The following DYNC2H1 variants were observed in gnomAD, a reference collection of about 807,000 sequenced individuals.
DYNC2H1 encodes cytoplasmic dynein 2 heavy chain 1.
DYNC2H1 carries 410 observed loss-of-function variants against 570.0 expected under a neutral mutation model. The ratio of observed to expected loss-of-function variants is 0.72; its 90% CI spans 0.66 to 0.78. DYNC2H1 has a LOEUF of 0.78. DYNC2H1 is among the 30% of genes least tolerant of loss of function. DYNC2H1 has a pLI of 0.00. For missense variants in DYNC2H1, 4,865 were observed against 5,046.4 expected, an observed-to-expected ratio of 0.96 and a Z score of 1.09; for synonymous variants, 1,688 against 1,677.6, an observed-to-expected ratio of 1.01 and a Z score of -0.15.
At position 103,256,804 on chromosome 11, in the gene DYNC2H1, A is replaced by G. The variant is rs910308532; in HGVS notation, c.10461+564A>G. 3.9e-5 allele frequency among the ~76,000 whole-genome samples: 6 copies of G among 152,152 alleles called. No homozygotes were observed. The highest frequency in any genetic ancestry group is 1.4e-4 in the African/African-American group (6 of 41,438). ...TTTTCTTCACATCAGAGATAGCCTG[A>G]TAGCGCTGTGCTGTCTTGCGTTACC... On this transcript the variant is annotated intron_variant, in intron 68 of 88. Coordinates refer to ENST00000375735, the MANE Select transcript of DYNC2H1 (RefSeq NM_001377.3). The surrounding 1 kb of genome is among the most constrained non-coding windows in gnomAD (Gnocchi z 4.0).
At position 103,154,675 on chromosome 11, in the gene DYNC2H1, G is replaced by C; in HGVS notation, c.3459-20G>C. On this transcript the variant is annotated intron_variant, in intron 23 of 88. Coordinates refer to ENST00000375735, the MANE Select transcript of DYNC2H1 (RefSeq NM_001377.3). ...TATTTTTGGATGTAATCTTTGCAAT[G>C]TGTTTTTGGTATTTTATAGGACTAA... 1 of 1,564,884 alleles carries C rather than the reference G, an allele frequency of 6.4e-7. No homozygotes were observed. Among genetic ancestry groups the C allele is most frequent in the South Asian group, 1.2e-5 (1 of 82,968 alleles).
chr11:103,393,505 T>A (rs1942261310), intron 83 of DYNC2H1, among the ~76,000 whole-genome samples: 1 of 152,114 alleles, frequency 6.6e-6, no homozygotes, highest in Non-Finnish European at 1.5e-5. Context: ...TAAAATTATT[T>A]ACTCATTTCA....
At position 103,153,490 on chromosome 11, in the gene DYNC2H1, T is replaced by C; in HGVS notation, c.3284T>C (p.Val1095Ala). 1 of 1,557,904 alleles carries C rather than the reference T, an allele frequency of 6.4e-7. No homozygotes were observed. Among genetic ancestry groups the C allele is most frequent in the Non-Finnish European group, 8.7e-7 (1 of 1,155,366 alleles). Residue 1095 changes from valine (V) to alanine (A), a missense_variant, in exon 22 of 89, where the codon GTC (valine) becomes GCC (alanine). Transcript: ENST00000375735. ...EKKIEFDDLE[V>A]TRKKLVDDCH... is the part of the protein sequence containing the mutation. ...AAAATTGAGTTTGATGATCTTGAAGTCACAAGAAAAAAGCTGGTGTATGTT... is the reference window on the plus strand; with the variant it reads ...AAAATTGAGTTTGATGATCTTGAAGCCACAAGAAAAAAGCTGGTGTATGTT...
intron 15 of DYNC2H1, among the ~76,000 whole-genome samples, chr11:103,135,037 A>G (rs1031420648): frequency 6.6e-6 from 1 of 152,160 alleles, no homozygotes; most frequent in African/African-American, 2.4e-5. Flanking sequence ...GAAGCAAAAA[A>G]GTATGTAAAT....
intron 83 of DYNC2H1, among the ~76,000 whole-genome samples, chr11:103,373,575 C>G (rs1054687511): frequency 7.2e-5 from 11 of 152,186 alleles, no homozygotes. Flanking sequence ...TATGATCTCT[C>G]TCTTCCTAAA....
rs1862618893 is a variant in DYNC2H1 at position 103,199,203 on chromosome 11, T to G, written c.7840-25T>G. On this transcript the variant is annotated intron_variant, in intron 48 of 88. Coordinates refer to ENST00000375735, the MANE Select transcript of DYNC2H1 (RefSeq NM_001377.3). This position sits in a 1 kb window ranked among gnomAD's most constrained non-coding sequence, Gnocchi z 4.6. Reference sequence around the variant, plus strand: ...ATGTAATTAGGGCTTATATTAATTATAAAATATTCTGATTTTTTTAAAAGG... The same window carrying G: ...ATGTAATTAGGGCTTATATTAATTAGAAAATATTCTGATTTTTTTAAAAGG... The G allele has an allele frequency of 7.0e-7, 1 of 1,420,604 alleles. No homozygotes were observed. The highest frequency in any genetic ancestry group is 1.4e-5 in the African/African-American group (1 of 70,356). The allele number at this position is 1,420,604 out of a possible 1,614,324, so 88.0% of individuals were successfully genotyped here.
rs1291644369 is a variant in DYNC2H1, at chr11:103,199,617, T to G, written c.8088+141T>G. ...AGAACTAAAGTTCTCTGTTATACAA[T>G]GTAGTCTTTATTTTAATTTAGATTA... On this transcript the variant is annotated intron_variant, in intron 49 of 88. Coordinates refer to ENST00000375735, the MANE Select transcript of DYNC2H1 (RefSeq NM_001377.3). The surrounding 1 kb of genome is among the most constrained non-coding windows in gnomAD (Gnocchi z 4.6). 4 of 752,782 alleles carry G rather than the reference T, an allele frequency of 5.3e-6. No homozygotes were observed. The highest frequency in any genetic ancestry group is 7.6e-6 in the Non-Finnish European group (4 of 527,836). The allele number at this position is 752,782 out of a possible 1,614,324, so 46.6% of individuals were successfully genotyped here. A position where few individuals can be genotyped will look rare whatever the true frequency, so the allele number is the denominator to read the frequency against.
intron 83 of DYNC2H1, among the ~76,000 whole-genome samples, chr11:103,380,304 C>A (rs1386708801): frequency 1.3e-5 from 2 of 152,094 alleles, no homozygotes; most frequent in East Asian, 3.9e-4. Flanking sequence ...AACGTAATAA[C>A]CACTTCCCTC....
rs1219972719 is a variant in DYNC2H1, at chr11:103,125,270, G to T, written c.1832G>T (p.Cys611Phe). The change falls in exon 12 of 89, where the codon TGC becomes TTC. Residue 611 changes from cysteine (C) to phenylalanine (F), a missense_variant. Cys to Phe is a radical substitution (Grantham distance 205, BLOSUM62 -2). This residue lies in a region of DYNC2H1 where 1,936 missense variants were observed against 1,962.1 expected (regional missense o/e 0.99). Transcript: ENST00000375735. ...QQVANIAQKFCKQAIILKQVA... is the reference protein window; with the variant it reads ...QQVANIAQKFFKQAIILKQVA... ...GTTGCAAACATTGCACAGAAATTCT[G>T]CAAGCAAGCAATTATTCTTAAACAA... The T allele has an allele frequency of 5.6e-6, 9 of 1,606,676 alleles. No individual in the cohort carries two copies. The highest frequency in any genetic ancestry group is 5.6e-5 in the South Asian group (5 of 89,652).
chr11:103,456,543 C>A lies in DYNC2H1; in HGVS notation c.12648+187C>A, dbSNP rs561426914. Among the ~76,000 whole-genome samples, 3 of 152,266 alleles carry A rather than the reference C, an allele frequency of 2.0e-5. No individual in the cohort carries two copies. The East Asian group carries it at 5.8e-4, about 29-fold the overall frequency. On this transcript the variant is annotated intron_variant, in intron 87 of 88. Transcript: ENST00000375735. ...CAACTTGTAATAGAAAATACAGACT[C>A]TTCTTATGCAAACATAAGAATCTTG...
At chr11:103,453,903 T>G (rs1001528447) in intron 85 of DYNC2H1, among the ~76,000 whole-genome samples, 2 of 151,916 alleles carry the variant, frequency 1.3e-5, no homozygotes, top group African/African-American at 4.8e-5. Flanking sequence ...CTATGTATAA[T>G]ATTATTTAAT....
At chr11:103,150,732 A>G (rs1339733013) in intron 20 of DYNC2H1, among the ~76,000 whole-genome samples, 1 of 152,158 alleles carries the variant, frequency 6.6e-6, no homozygotes, top group East Asian at 1.9e-4. Flanking sequence ...GAACTTTGCA[A>G]AATTTAGACT....
At position 103,324,288 on chromosome 11, in the gene DYNC2H1, G is replaced by A. The variant is rs1938360163; in HGVS notation, c.12039+298G>A. ...TTATCACGTAGGTAATAAGTATAGT[G>A]CCCAACAGGTAATTTTTCGATCCTC... On this transcript the variant is annotated intron_variant, in intron 82 of 88. Transcript: ENST00000375735. The surrounding 1 kb of genome is among the most constrained non-coding windows in gnomAD (Gnocchi z 5.2). Among the ~76,000 whole-genome samples, 1 of 152,038 alleles carries A rather than the reference G, an allele frequency of 6.6e-6. No homozygotes were observed. The highest frequency in any genetic ancestry group is 2.1e-4 in the South Asian group (1 of 4,828).
chr11:103,120,454 C>G lies in DYNC2H1; in HGVS notation c.1007C>G (p.Ala336Gly), dbSNP rs182506343. 2 of 1,607,628 alleles carry G rather than the reference C, an allele frequency of 1.2e-6. No homozygotes were observed. The highest frequency in any genetic ancestry group is 3.3e-4 in the Middle Eastern group (2 of 6,036). Reference sequence around the variant, plus strand: ...TTTAATACTTCATTTTAGGTCTTGGCTATTAGAACAATTCATGAGAAGTTT... The same window carrying G: ...TTTAATACTTCATTTTAGGTCTTGGGTATTAGAACAATTCATGAGAAGTTT... ...KLGKRLEEVL[A>G]IRTIHEKFLY... The change falls in exon 7 of 89, where the codon GCT (alanine) becomes GGT (glycine). Residue 336 changes from alanine (A) to glycine (G), a missense_variant. This residue lies in a region of DYNC2H1 where 1,936 missense variants were observed against 1,962.1 expected (regional missense o/e 0.99). Transcript: ENST00000375735.
chr11:103,476,291 G>T (rs1181019555), intron 88 of DYNC2H1, among the ~76,000 whole-genome samples: 1 of 151,994 alleles, frequency 6.6e-6, no homozygotes, highest in Non-Finnish European at 1.5e-5. Flanking sequence ...CTCTCTCCAT[G>T]AATCACTGTT....
At position 103,120,431 on chromosome 11, in the gene DYNC2H1, T is replaced by C; in HGVS notation, c.1000-16T>C. 6.3e-7 allele frequency: 1 copy of C among 1,594,602 alleles called. No individual in the cohort carries two copies. Among genetic ancestry groups the C allele is most frequent in the Non-Finnish European group, 8.6e-7 (1 of 1,168,908 alleles). On this transcript the variant is annotated splice_polypyrimidine_tract_variant and intron_variant, in intron 6 of 88. Transcript: ENST00000375735. ...TGGATTTAAATAAATTCTGTTGTTT[T>C]AATACTTCATTTTAGGTCTTGGCTA...
chr11:103,115,074 A>G (rs1591258790), intron 3 of DYNC2H1, 103 bp from the exon 4 acceptor site: 1 of 707,584 alleles, frequency 1.4e-6, no homozygotes, highest in South Asian at 1.8e-5. Context: ...AGCTAGGAGC[A>G]TATGTGTTAG....
At position 103,168,962 on chromosome 11, in the gene DYNC2H1, T is replaced by C; in HGVS notation, c.4968+2T>C. On this transcript the variant is annotated splice_donor_variant, in intron 32 of 88. Transcript: ENST00000375735. LOFTEE classifies it high-confidence loss of function. ...TTTCAGTATACTTATGAATATCAGG[T>C]ATGAGTTGTGGCAGTGTTTTATATT... The C allele has an allele frequency of 6.3e-7, 1 of 1,599,976 alleles. No individual in the cohort carries two copies. Among genetic ancestry groups the C allele is most frequent in the Non-Finnish European group, 8.5e-7 (1 of 1,175,636 alleles).
rs1313526875 is a variant in DYNC2H1 at position 103,334,831 on chromosome 11, A to G, written c.12039+10841A>G. On this transcript the variant is annotated intron_variant, in intron 82 of 88. Transcript: ENST00000375735. The surrounding 1 kb of genome is among the most constrained non-coding windows in gnomAD (Gnocchi z 4.3). ...ACAGTATGATAGTTTTGCAGAATAC[A>G]AAGATTGCTGTGGAGTAATCTTTCC... 6.6e-6 allele frequency among the ~76,000 whole-genome samples: 1 copy of G among 152,138 alleles called. No homozygotes were observed. Among genetic ancestry groups the G allele is most frequent in the Non-Finnish European group, 1.5e-5 (1 of 67,970 alleles).
Sources: gnomAD v4.1 joint callset for allele counts (sites outside exome capture counted in the v4.1 genomes callset) on GRCh38, gnomAD v4.1.1 for gene constraint, gnomAD v4.1.1 regional missense constraint, Gnocchi (gnomAD v3.1) non-coding constraint, MANE v1.5 for transcripts, NCBI Gene and HGNC (gene_info 2026-07-23, HGNC 2026-07-21) for gene names.